The following OCA2 variants were observed in gnomAD, a reference collection of about 807,000 sequenced individuals.
The protein encoded by OCA2 is OCA2 melanosomal transmembrane protein.
OCA2 carries 77 observed loss-of-function variants against 100.2 expected under a neutral mutation model. The observed-to-expected ratio is 0.77, with a 90% CI of 0.64 to 0.93. The LOEUF (loss-of-function observed/expected upper bound fraction) is 0.93, where lower values mean the gene tolerates loss of function less well. Among genes scored for constraint, OCA2 ranks in the 40% least tolerant of loss-of-function variants. The pLI is 0.00. For missense variants in OCA2, 1,062 were observed against 1,089.1 expected, an observed-to-expected ratio of 0.98 and a Z score of 0.35; for synonymous variants, 432 against 439.2, an observed-to-expected ratio of 0.98 and a Z score of 0.21.
intron 19 of OCA2, among the ~76,000 whole-genome samples, chr15:27,888,913 G>A (rs1166413815): frequency 6.6e-6 from 1 of 152,116 alleles, no homozygotes; most frequent in Non-Finnish European, 1.5e-5. Flanking sequence ...ATGTAAACGA[G>A]ACCTGGTGCC....
intron 21 of OCA2, among the ~76,000 whole-genome samples, chr15:27,869,003 C>T (rs2036436654): frequency 1.3e-5 from 2 of 152,244 alleles, no homozygotes; most frequent in South Asian, 4.1e-4. Context: ...GGAAGGGCCA[C>T]ATGTCCCCTT....
chr15:27,965,298 T>C (rs1484022457), intron 15 of OCA2, among the ~76,000 whole-genome samples: 1 of 152,246 alleles, frequency 6.6e-6, no homozygotes, highest in African/African-American at 2.4e-5. Context: ...TATCTTACTT[T>C]GCATATATTA....
chr15:27,752,781 C>T (rs2030109293), downstream of OCA2, among the ~76,000 whole-genome samples: 1 of 129,772 alleles, frequency 7.7e-6, no homozygotes, highest in Non-Finnish European at 1.6e-5. Flanking sequence ...CTCCCTGCAT[C>T]TCCAGGTCCT....
chr15:27,947,784 G>A (rs1418863554), intron 18 of OCA2, among the ~76,000 whole-genome samples: 2 of 152,130 alleles, frequency 1.3e-5, no homozygotes, highest in Non-Finnish European at 2.9e-5. Flanking sequence ...GCAGGATGGA[G>A]CCCCAGTGGC....
At chr15:27,902,125 C>T (rs892343288) in intron 19 of OCA2, among the ~76,000 whole-genome samples, 2 of 152,056 alleles carry the variant, frequency 1.3e-5, no homozygotes, top group Admixed American at 6.5e-5. Flanking sequence ...TCCTGAACTA[C>T]GGTGTGGAAA....
At chr15:27,926,046 A>G in intron 19 of OCA2, 81 bp downstream of exon 19, 1 of 1,479,610 alleles carries the variant, frequency 6.8e-7, no homozygotes, top group East Asian at 2.3e-5. Flanking sequence ...TAATAGATGT[A>G]GGCTTTCTTC....
At chr15:27,842,014 T>G (rs961883661) in intron 23 of OCA2, among the ~76,000 whole-genome samples, 4 of 152,354 alleles carry the variant, frequency 2.6e-5, no homozygotes, top group Non-Finnish European at 5.9e-5. Flanking sequence ...GTCAGAAAAT[T>G]TATCTTCAAT....
chr15:27,997,127 GGAA>G (rs374184847), intron 9 of OCA2, among the ~76,000 whole-genome samples: 76,349 of 130,748 alleles, frequency 0.58, 25,725 homozygotes, highest in Non-Finnish European at 0.78. Flanking sequence ...AAGGAAGGAA[GGAA>G]GAAGGAAGGA....
chr15:27,748,244 T>C, the OCA2 span, among the ~76,000 whole-genome samples: 2 of 152,190 alleles, frequency 1.3e-5, no homozygotes, highest in African/African-American at 4.8e-5. Flanking sequence ...GATGCACCTA[T>C]GAGGAATATC....
At chr15:27,944,409 C>T (rs540864430) in intron 18 of OCA2, among the ~76,000 whole-genome samples, 6 of 152,286 alleles carry the variant, frequency 3.9e-5, no homozygotes, top group Non-Finnish European at 8.8e-5. Context: ...AATCAAAGAA[C>T]ACCAGGCTAG....
At chr15:27,871,479 C>G (rs977699183) in intron 20 of OCA2, among the ~76,000 whole-genome samples, 13 of 152,206 alleles carry the variant, frequency 8.5e-5, no homozygotes, top group African/African-American at 1.2e-4. Context: ...CTGCCAGCCC[C>G]CTGGATGGGG....
intron 13 of OCA2, among the ~76,000 whole-genome samples, chr15:27,984,032 A>G (rs2041258529): frequency 6.6e-6 from 1 of 151,476 alleles, no homozygotes; most frequent in African/African-American, 2.4e-5. Context: ...TGCATATGAT[A>G]ATGTAATAAT....
At chr15:27,746,409 C>A in the OCA2 span, among the ~76,000 whole-genome samples, 2 of 151,962 alleles carry the variant, frequency 1.3e-5, no homozygotes, top group Non-Finnish European at 2.9e-5. Context: ...TGCAGTGAGC[C>A]GAGATCGTGC....
intron 18 of OCA2, among the ~76,000 whole-genome samples, chr15:27,947,590 G>A (rs1056689493): frequency 2.6e-5 from 4 of 152,208 alleles, no homozygotes; most frequent in Non-Finnish European, 4.4e-5. Context: ...CTCTGCCTGG[G>A]CCGCCCTGCG....
intron 18 of OCA2, among the ~76,000 whole-genome samples, chr15:27,931,304 CATTTT>C (rs2039241553): frequency 6.6e-6 from 1 of 152,014 alleles, no homozygotes; most frequent in African/African-American, 2.4e-5. Flanking sequence ...CTATACCTTG[CATTTT>C]ATTTTATCTA....
At chr15:28,096,146 G>A (rs949887229) in intron 1 of OCA2, among the ~76,000 whole-genome samples, 1 of 150,824 alleles carries the variant, frequency 6.6e-6, no homozygotes, top group Non-Finnish European at 1.5e-5. Flanking sequence ...TCGTGTCTCC[G>A]GGAGGTGGCT....
At chr15:28,035,567 A>G (rs972651293) in intron 2 of OCA2, among the ~76,000 whole-genome samples, 1 of 152,180 alleles carries the variant, frequency 6.6e-6, no homozygotes, top group African/African-American at 2.4e-5. Context: ...TGAAAGCCCA[A>G]TTTTTTCTCC....
chr15:27,984,929 TGC>T, intron 13 of OCA2, 133 bp downstream of exon 13: 6 of 976,918 alleles, frequency 6.1e-6, no homozygotes, highest in Non-Finnish European at 9.5e-6. Context: ...TGGACTGGAA[TGC>T]AGTGAGCTGT....
intron 2 of OCA2, among the ~76,000 whole-genome samples, chr15:28,079,968 C>G (rs921334955): frequency 3.9e-5 from 6 of 152,220 alleles, no homozygotes; most frequent in African/African-American, 1.4e-4. Flanking sequence ...CCCTGGTACA[C>G]CATACATCGA....
Sources: allele counts gnomAD v4.1 joint callset (sites outside exome capture counted in the v4.1 genomes callset), GRCh38; gene constraint gnomAD v4.1.1; transcripts MANE v1.5; gene names NCBI Gene and HGNC (gene_info 2026-07-23, HGNC 2026-07-21).